The following HCRTR2 variants were observed in gnomAD, a reference collection of about 807,000 sequenced individuals.
HCRTR2 encodes orexin receptor type 2.
In HCRTR2, 22 loss-of-function variants were observed where a neutral mutation model predicts 49.0. The observed-to-expected ratio is 0.45, with a 90% CI of 0.32 to 0.64. The LOEUF is 0.64. Ranked by LOEUF, HCRTR2 falls within the 30% of genes least tolerant of loss-of-function variation. The pLI is 0.04. For missense variants in HCRTR2, 491 were observed against 559.4 expected, an observed-to-expected ratio of 0.88 and a Z score of 1.23; for synonymous variants, 236 against 205.3, an observed-to-expected ratio of 1.15 and a Z score of -1.28.
Position 55,252,923 on chromosome 6 carries a change from G to T in HCRTR2, c.403-2213G>T, listed in dbSNP as rs1766580090. On this transcript the variant is annotated intron_variant, in intron 2 of 6. Transcript: ENST00000370862. The stretch of plus-strand genomic sequence containing the variant: ...AATAGTAAACACACAGCACTTATAT[G>T]CCAGCCCTGGAATAGACATTTTCAT... Among the ~76,000 whole-genome samples, 3 of 151,866 alleles carry T rather than the reference G, an allele frequency of 2.0e-5. No individual in the cohort carries two copies. The South Asian group carries it at 6.2e-4, about 32-fold the overall frequency.
intron 1 of HCRTR2, among the ~76,000 whole-genome samples, chr6:55,193,296 T>A (rs1439740192): frequency 6.6e-6 from 1 of 151,952 alleles, no homozygotes; most frequent in East Asian, 1.9e-4. Flanking sequence ...ATAAACAGAG[T>A]ACTGTGGTCT....
At chr6:55,174,107 A>C (rs964887241), upstream of HCRTR2, 1 of 218,574 alleles carries the variant, frequency 4.6e-6, no homozygotes, top group African/African-American at 2.3e-5. Flanking sequence ...GTGCACGTAA[A>C]AATAGAGAAA....
chr6:55,220,341 T>C (rs946261826), intron 1 of HCRTR2, among the ~76,000 whole-genome samples: 2 of 152,170 alleles, frequency 1.3e-5, no homozygotes, highest in Non-Finnish European at 2.9e-5. Context: ...CAACAGTGCA[T>C]TAAAAGGATC....
At chr6:55,111,084 T>C (rs1764042763) in intron 1 of HCRTR2, among the ~76,000 whole-genome samples, 3 of 152,038 alleles carry the variant, frequency 2.0e-5, no homozygotes, top group Non-Finnish European at 4.4e-5. Context: ...CTCAAAACCA[T>C]GCAAATACAT....
intron 1 of HCRTR2, among the ~76,000 whole-genome samples, chr6:55,238,997 C>G (rs1012515092): frequency 6.6e-6 from 1 of 152,070 alleles, no homozygotes; most frequent in African/African-American, 2.4e-5. Flanking sequence ...CTGTAGAACT[C>G]TGAGAACAGG....
chr6:55,165,857 G>A (rs1764871048), intron 1 of HCRTR2, among the ~76,000 whole-genome samples: 1 of 141,968 alleles, frequency 7.0e-6, no homozygotes, highest in Admixed American at 7.3e-5. Flanking sequence ...ATAGCTATTA[G>A]TTCTCCAAAG....
At chr6:55,269,293 C>T (rs1766925794) in intron 4 of HCRTR2, among the ~76,000 whole-genome samples, 1 of 152,068 alleles carries the variant, frequency 6.6e-6, no homozygotes, top group Non-Finnish European at 1.5e-5. Context: ...ACAAGTATGT[C>T]TGCTACAACC....
At chr6:55,239,266 GTT>G (rs1277461089) in intron 1 of HCRTR2, among the ~76,000 whole-genome samples, 1 of 152,190 alleles carries the variant, frequency 6.6e-6, no homozygotes, top group African/African-American at 2.4e-5. Context: ...TAACACTGCT[GTT>G]TTGTTCTCTG....
chr6:55,213,090 G>GAC (rs1363454088), intron 1 of HCRTR2, among the ~76,000 whole-genome samples: 1 of 151,890 alleles, frequency 6.6e-6, no homozygotes, highest in Admixed American at 6.6e-5. Flanking sequence ...GGAAGAGAGA[G>GAC]AGCAGACAAG....
At position 55,110,485 on chromosome 6, in the gene HCRTR2, C is replaced by T. The variant is rs560035380; in HGVS notation, c.-378+3940C>T. Among the ~76,000 whole-genome samples the T allele has an allele frequency of 1.3e-4, 20 of 152,036 alleles. 1 individual carries two copies. In the East Asian group the frequency reaches 2.5e-3, roughly 19 times the overall value. ...ATACCTGCAATCTTCAAGAGACTCACCTAACAGATAAGGATTTATATAAAC... is the reference window on the plus strand; with the variant it reads ...ATACCTGCAATCTTCAAGAGACTCATCTAACAGATAAGGATTTATATAAAC... On this transcript the variant is annotated intron_variant, in intron 1 of 7. Transcript: ENST00000615358.
intron 1 of HCRTR2, among the ~76,000 whole-genome samples, chr6:55,209,745 A>G (rs1429481697): frequency 6.6e-6 from 1 of 152,148 alleles, no homozygotes; most frequent in Admixed American, 6.6e-5. Context: ...ACTTACTTTA[A>G]AGTAGGTTTT....
intron 1 of HCRTR2, among the ~76,000 whole-genome samples, chr6:55,206,596 A>G (rs1765605950): frequency 6.6e-6 from 1 of 152,000 alleles, no homozygotes; most frequent in Non-Finnish European, 1.5e-5. Flanking sequence ...ACCTATAAGG[A>G]TTTGCAAAGC....
intron 1 of HCRTR2, among the ~76,000 whole-genome samples, chr6:55,212,139 G>A (rs4142972): frequency 0.15 from 22,610 of 152,138 alleles, 1,921 homozygotes; most frequent in East Asian, 0.28. Context: ...ATTCCTGTGC[G>A]AAGATTGAGA....
At chr6:55,251,860 A>G (rs188387817) in intron 2 of HCRTR2, among the ~76,000 whole-genome samples, 2 of 152,146 alleles carry the variant, frequency 1.3e-5, no homozygotes, top group Admixed American at 6.6e-5. Context: ...GAAAGTTCCC[A>G]TTATCTCACT....
At chr6:55,283,231 C>T (rs931335969), downstream of HCRTR2, among the ~76,000 whole-genome samples, 1 of 152,176 alleles carries the variant, frequency 6.6e-6, no homozygotes, top group African/African-American at 2.4e-5. Flanking sequence ...TAAAAATGCA[C>T]CACTGTGCTA....
At chr6:55,179,590 T>G (rs1765097052) in intron 1 of HCRTR2, among the ~76,000 whole-genome samples, 1 of 152,136 alleles carries the variant, frequency 6.6e-6, no homozygotes, top group Non-Finnish European at 1.5e-5. Flanking sequence ...GAATAACATG[T>G]GCAACTGATA....
chr6:55,267,270 C>A (rs1341109586), intron 4 of HCRTR2, among the ~76,000 whole-genome samples: 1 of 152,040 alleles, frequency 6.6e-6, no homozygotes, highest in Non-Finnish European at 1.5e-5. Flanking sequence ...CTGTTATGTA[C>A]TTTTGAATTA....
At chr6:55,151,944 A>G (rs1239991495) in intron 1 of HCRTR2, among the ~76,000 whole-genome samples, 5 of 151,986 alleles carry the variant, frequency 3.3e-5, no homozygotes, top group African/African-American at 9.7e-5. Context: ...GAGCAGTACT[A>G]TCTTAAAAGG....
intron 2 of HCRTR2, among the ~76,000 whole-genome samples, chr6:55,253,104 C>T (rs933046276): frequency 2.0e-5 from 3 of 151,846 alleles, no homozygotes; most frequent in African/African-American, 4.8e-5. Flanking sequence ...GTTGCAGACT[C>T]GATTCCAGCT....
Sources: allele counts gnomAD v4.1 joint callset (sites outside exome capture counted in the v4.1 genomes callset), GRCh38; gene constraint gnomAD v4.1.1; transcripts MANE v1.5; gene names NCBI Gene and HGNC (gene_info 2026-07-23, HGNC 2026-07-21).